The following BBS2 variants were observed in gnomAD, a reference collection of about 807,000 sequenced individuals.
BBS2 encodes Bardet-Biedl syndrome 2, also known as BBSome complex member BBS2.
Under a neutral mutation model 83.0 loss-of-function variants are expected in BBS2, and 62 were observed. The ratio of observed to expected loss-of-function variants is 0.75; its 90% CI spans 0.61 to 0.92. The LOEUF is 0.92. Among genes scored for constraint, BBS2 ranks in the 40% least tolerant of loss-of-function variants. BBS2 has a pLI of 0.00. For missense variants in BBS2, 784 were observed against 901.0 expected (o/e 0.87, Z 1.66); for synonymous variants, 303 against 326.1 (o/e 0.93, Z 0.76).
intron 7 of BBS2, among the ~76,000 whole-genome samples, chr16:56,503,118 G>A (rs1158500354): frequency 1.3e-5 from 2 of 152,172 alleles, no homozygotes; most frequent in South Asian, 4.1e-4. Flanking sequence ...CAGTGCAAAA[G>A]GGCATGGGCT....
At position 56,484,848 on chromosome 16, in the gene BBS2, C is replaced by T. The variant is rs150797250; in HGVS notation, c.2079G>A (p.Gln693=). The T allele has an allele frequency of 8.6e-4, 1,393 of 1,613,970 alleles. 15 individuals carry two copies. The East Asian group carries it at 0.026, about 30-fold the overall frequency. The change falls in exon 17 of 17, where the codon CAG becomes CAA. Residue 693 remains glutamine (Q), a synonymous_variant. Transcript: ENST00000245157. Reference sequence around the variant, plus strand: ...TTGCATCCCGACAAGCAGTGATCACCTGGTTCTTTGGTTTTCCAACTGCAT... The same window carrying T: ...TTGCATCCCGACAAGCAGTGATCACTTGGTTCTTTGGTTTTCCAACTGCAT... ...GRLRVGKPKN[Q]VITACRDAIR...
intron 5 of BBS2, among the ~76,000 whole-genome samples, chr16:56,508,034 G>A (rs1290786023): frequency 6.6e-6 from 1 of 152,052 alleles, no homozygotes; most frequent in Non-Finnish European, 1.5e-5. Flanking sequence ...GCTCCTTTTG[G>A]CACCCATTTC....
intron 7 of BBS2, among the ~76,000 whole-genome samples, chr16:56,503,961 A>G (rs138346654): frequency 8.3e-4 from 127 of 152,220 alleles, no homozygotes; most frequent in African/African-American, 2.8e-3. Context: ...GCAAGGACAC[A>G]GGTATTATCA....
At position 56,494,662 on chromosome 16, in the gene BBS2, G is replaced by A. The variant is rs188038820; in HGVS notation, c.1910+2305C>T. On this transcript the variant is annotated intron_variant, in intron 15 of 16. Coordinates refer to ENST00000245157, the MANE Select transcript of BBS2 (RefSeq NM_031885.5). Reference sequence around the variant, plus strand: ...AAGAGACTTCCATTGCCCACAGACTGGAAAATCTAGCCGTAAAAGGCCGGG... The same window carrying A: ...AAGAGACTTCCATTGCCCACAGACTAGAAAATCTAGCCGTAAAAGGCCGGG... 2.6e-3 allele frequency among the ~76,000 whole-genome samples: 402 copies of A among 152,188 alleles called. 1 individual carries two copies. Among genetic ancestry groups the A allele is most frequent in the African/African-American group, 9.3e-3 (385 of 41,528 alleles).
intron 11 of BBS2, 136 bp downstream of exon 11, chr16:56,500,718 T>C (rs1020152130): frequency 2.4e-6 from 2 of 831,492 alleles, no homozygotes; most frequent in East Asian, 2.7e-5. Flanking sequence ...TAAAAGGTCA[T>C]GAGAAACTTT....
At chr16:56,478,617 A>G (rs1179966024) in intron 17 of BBS2, 1 of 152,174 alleles carries the variant, frequency 6.6e-6, no homozygotes, top group Non-Finnish European at 1.5e-5. Context: ...AAGCTTGGAA[A>G]ATAGTTTGAG....
intron 14 of BBS2, chr16:56,497,425 T>A (rs780854183): frequency 2.2e-5 from 11 of 493,350 alleles, no homozygotes; most frequent in Admixed American, 6.8e-5. Context: ...ATTTGGGTTT[T>A]TGGAAAGACC....
At chr16:56,482,088 T>C (rs1450073915), downstream of BBS2, among the ~76,000 whole-genome samples, 1 of 152,176 alleles carries the variant, frequency 6.6e-6, no homozygotes, top group African/African-American at 2.4e-5. Context: ...AAGAAGGAAG[T>C]TTTTTAGCTA....
chr16:56,501,022 G>A lies in BBS2; in HGVS notation c.1229C>T (p.Thr410Ile). 1 of 1,614,178 alleles carries A rather than the reference G, an allele frequency of 6.2e-7. No homozygotes were observed. The highest frequency in any genetic ancestry group is 1.1e-5 in the South Asian group (1 of 91,084). ...TELRISTSNDTIIRAVLIFAE... is the reference protein window; with the variant it reads ...TELRISTSNDIIIRAVLIFAE... ...AAAAATCAATACTGCTCGGATGATG[G>A]TGTCTGCAGGGAAGAGTAAAAACAG... The change falls in exon 11 of 17, where the codon ACC (threonine) becomes ATC (isoleucine). Residue 410 changes from threonine (T) to isoleucine (I), a missense_variant. Thr to Ile is a moderately conservative substitution (Grantham distance 89, BLOSUM62 -1). Transcript: ENST00000245157.
intron 7 of BBS2, among the ~76,000 whole-genome samples, chr16:56,504,230 C>T (rs1373161038): frequency 6.6e-6 from 1 of 152,224 alleles, no homozygotes; most frequent in African/African-American, 2.4e-5. Flanking sequence ...TAACAAAGCA[C>T]ATTAATGTAG....
intron 17 of BBS2, chr16:56,477,560 A>G (rs2144074735): frequency 6.6e-6 from 1 of 152,342 alleles, no homozygotes; most frequent in East Asian, 1.9e-4. Flanking sequence ...TTTTATTTTA[A>G]GAGACGGAAT....
intron 3 of BBS2, 89 bp from the exon 4 acceptor site, chr16:56,511,010 A>C (rs1964561281): frequency 6.4e-7 from 1 of 1,564,198 alleles, no homozygotes; most frequent in Admixed American, 1.7e-5. Flanking sequence ...GATTACACAA[A>C]ACACGAATGA....
rs560721277 is a variant in BBS2 at position 56,475,912 on chromosome 16, G to T, written c.*1-5217C>A. On this transcript the variant is annotated intron_variant, in intron 17 of 17. Coordinates refer to the BBS2 transcript ENST00000682047. ...ATGGCTTGACAGCCACCCCTAGTAA[G>T]TGTTCATTCAGAGGACCCCTCTATC... 8 of 765,582 alleles carry T rather than the reference G, an allele frequency of 1.0e-5. No homozygotes were observed. The African/African-American group carries it at 1.4e-4, about 13-fold the overall frequency. The allele number at this position is 765,582 out of a possible 1,614,324, so 47.4% of individuals were successfully genotyped here.
downstream of BBS2, among the ~76,000 whole-genome samples, chr16:56,483,688 A>T (rs1329395776): frequency 6.6e-6 from 1 of 150,952 alleles, no homozygotes; most frequent in Non-Finnish European, 1.5e-5. Context: ...AAGCACACAA[A>T]TCCAAATATC....
Position 56,511,272 on chromosome 16 carries a change from C to T in BBS2, c.358G>A (p.Ala120Thr), listed in dbSNP as rs148808295. 6.0e-5 allele frequency: 97 copies of T among 1,613,830 alleles called. No individual in the cohort carries two copies. The African/African-American group carries it at 1.0e-3, about 17-fold the overall frequency. Reference protein sequence around the residue: ...DLFYREVADGANAIVLGTLGD... With the variant: ...DLFYREVADGTNAIVLGTLGD... The stretch of plus-strand genomic sequence containing the variant: ...AATGTCCCCAGCACAATTGCATTTG[C>T]CCCATCTGCTACCTAAGAAAAGTAA... The change falls in exon 3 of 17, where the codon GCA becomes ACA. Residue 120 changes from alanine to threonine, a missense_variant. Coordinates refer to ENST00000245157, the MANE Select transcript of BBS2 (RefSeq NM_031885.5).
chr16:56,485,803 C>G lies in BBS2; in HGVS notation c.1911-65G>C, dbSNP rs1963761403. ...ATATGGCAAGCTTAAGAAAAACTTGCAAATTTCTTAGACATACAAAGAAAA... is the reference window on the plus strand; with the variant it reads ...ATATGGCAAGCTTAAGAAAAACTTGGAAATTTCTTAGACATACAAAGAAAA... On this transcript the variant is annotated intron_variant, in intron 15 of 16. Transcript: ENST00000245157. 11 of 1,521,306 alleles carry G rather than the reference C, an allele frequency of 7.2e-6. No homozygotes were observed. The Admixed American group carries it at 1.2e-4, about 16-fold the overall frequency. 94.2% of individuals were successfully genotyped at this position (1,521,306 alleles called of 1,614,324 possible). A position where few individuals can be genotyped will look rare whatever the true frequency, so the allele number is the denominator to read the frequency against.
intron 17 of BBS2, chr16:56,470,763 A>G: frequency 6.2e-7 from 1 of 1,603,520 alleles, no homozygotes; most frequent in South Asian, 1.1e-5. Context: ...AGACAGACCC[A>G]GAGCCAGAGG....
At position 56,502,656 on chromosome 16, in the gene BBS2, T is replaced by C. The variant is rs755215456; in HGVS notation, c.940+17A>G. On this transcript the variant is annotated intron_variant, in intron 8 of 16. Coordinates refer to ENST00000245157, the MANE Select transcript of BBS2 (RefSeq NM_031885.5). The stretch of plus-strand genomic sequence containing the variant: ...GGAAAACGTGACTTTTTAAGGATTT[T>C]TCTCATCCCAATTTACTTTCCCCAT... The C allele has an allele frequency of 6.2e-7, 1 of 1,614,188 alleles. No homozygotes were observed. Among genetic ancestry groups the C allele is most frequent in the Non-Finnish European group, 8.5e-7 (1 of 1,180,038 alleles).
downstream of BBS2, among the ~76,000 whole-genome samples, chr16:56,480,133 AG>A (rs1295209025): frequency 2.0e-5 from 3 of 152,196 alleles, no homozygotes; most frequent in African/African-American, 7.2e-5. Context: ...AAAATGTCTA[AG>A]GAAGTACCCT....
Sources: allele counts gnomAD v4.1 joint callset (sites outside exome capture counted in the v4.1 genomes callset), GRCh38; gene constraint gnomAD v4.1.1; transcripts MANE v1.5; gene names NCBI Gene and HGNC (gene_info 2026-07-23, HGNC 2026-07-21).